Variants in DNM3 observed in about 807,000 individuals in gnomAD.
DNM3 encodes the protein dynamin 3, also known as dynamin-3.
DNM3 carries 47 observed loss-of-function variants against 101.6 expected under a neutral mutation model. The ratio of observed to expected loss-of-function variants is 0.46; its 90% CI spans 0.37 to 0.59. The LOEUF (loss-of-function observed/expected upper bound fraction) is 0.59, where lower values mean the gene tolerates loss of function less well. DNM3 is among the 20% of genes least tolerant of loss of function. The probability of loss-of-function intolerance (pLI) is 0.00; values close to 1 mark genes in which losing one functional copy is unlikely to be tolerated. For missense variants in DNM3, 849 were observed against 1,085.7 expected, an observed-to-expected ratio of 0.78 and a Z score of 3.06; for synonymous variants, 385 against 387.9, an observed-to-expected ratio of 0.99 and a Z score of 0.09.
chr1:172,216,193 G>A (rs1430762266), intron 14 of DNM3, among the ~76,000 whole-genome samples: 4 of 151,910 alleles, frequency 2.6e-5, no homozygotes, highest in African/African-American at 9.7e-5. Context: ...TAATCTATTG[G>A]GAAATCATAT....
At chr1:171,915,564 A>G (rs2039645972) in intron 1 of DNM3, among the ~76,000 whole-genome samples, 1 of 152,194 alleles carries the variant, frequency 6.6e-6, no homozygotes. Flanking sequence ...ACATTTATGG[A>G]TGCTGATGAT....
chr1:172,246,138 C>A (rs554935303), intron 14 of DNM3, among the ~76,000 whole-genome samples: 1 of 152,126 alleles, frequency 6.6e-6, no homozygotes, highest in Admixed American at 6.6e-5. Flanking sequence ...GGGAAATCCA[C>A]CCCCATGATC....
At chr1:171,890,893 C>T (rs1045845221) in intron 1 of DNM3, among the ~76,000 whole-genome samples, 3 of 152,128 alleles carry the variant, frequency 2.0e-5, no homozygotes, top group Non-Finnish European at 4.4e-5. Flanking sequence ...TTCTTGAACT[C>T]CTGGCCTCAA....
intron 10 of DNM3, among the ~76,000 whole-genome samples, chr1:172,052,401 A>G (rs2050268608): frequency 6.6e-6 from 1 of 152,170 alleles, no homozygotes; most frequent in Admixed American, 6.6e-5. Flanking sequence ...TGTCTGTCCT[A>G]ATTTAAAAAG....
At chr1:172,397,930 T>C (rs2070150405) in intron 20 of DNM3, among the ~76,000 whole-genome samples, 1 of 152,194 alleles carries the variant, frequency 6.6e-6, no homozygotes, top group Non-Finnish European at 1.5e-5. Context: ...GAAAAATAAG[T>C]TTCAGTAAAA....
chr1:172,321,508 A>G (rs2065715353), intron 16 of DNM3, among the ~76,000 whole-genome samples: 1 of 152,172 alleles, frequency 6.6e-6, no homozygotes. Flanking sequence ...TTCACCATTC[A>G]TGACTGTTAC....
intron 14 of DNM3, among the ~76,000 whole-genome samples, chr1:172,179,357 G>A (rs924896434): frequency 4.0e-5 from 6 of 151,862 alleles, no homozygotes; most frequent in African/African-American, 1.5e-4. Flanking sequence ...TTTTCATAAT[G>A]TTGTTTGGAA....
At chr1:172,071,410 T>C (rs2052181929) in intron 11 of DNM3, among the ~76,000 whole-genome samples, 1 of 151,924 alleles carries the variant, frequency 6.6e-6, no homozygotes, top group African/African-American at 2.4e-5. Flanking sequence ...GAAACATGCC[T>C]GGTTTTGGTA....
At chr1:171,849,503 A>G (rs898193075) in intron 1 of DNM3, among the ~76,000 whole-genome samples, 3 of 152,258 alleles carry the variant, frequency 2.0e-5, no homozygotes, top group Non-Finnish European at 4.4e-5. Context: ...AAGTTGAGGC[A>G]GATGGTAATG....
At chr1:172,094,560 C>G (rs1340070272) in intron 13 of DNM3, among the ~76,000 whole-genome samples, 1 of 152,046 alleles carries the variant, frequency 6.6e-6, no homozygotes, top group Non-Finnish European at 1.5e-5. Context: ...TGAGTTTGCT[C>G]AGCTGTGTGA....
At chr1:172,093,719 G>T in intron 13 of DNM3, 3 of 1,606,742 alleles carry the variant, frequency 1.9e-6, no homozygotes. Flanking sequence ...CGCCTTCAAG[G>T]CAAATTGTAC....
chr1:172,352,284 A>G (rs1347791361), intron 17 of DNM3, among the ~76,000 whole-genome samples: 4 of 152,218 alleles, frequency 2.6e-5, no homozygotes, highest in Non-Finnish European at 5.9e-5. Flanking sequence ...CCATTCCATT[A>G]AAGGCTAAAA....
intron 2 of DNM3, among the ~76,000 whole-genome samples, chr1:171,963,354 TG>T (rs1205425888): frequency 6.6e-6 from 1 of 151,998 alleles, no homozygotes; most frequent in Non-Finnish European, 1.5e-5. Context: ...AAAAGATCAG[TG>T]GTTGCCTGGG....
At chr1:171,965,022 T>G (rs920448438) in intron 2 of DNM3, among the ~76,000 whole-genome samples, 2 of 152,066 alleles carry the variant, frequency 1.3e-5, no homozygotes, top group African/African-American at 2.4e-5. Context: ...CACTAACTAT[T>G]CAGTTAACAC....
chr1:172,240,920 T>C (rs571075468), intron 14 of DNM3, among the ~76,000 whole-genome samples: 5 of 152,258 alleles, frequency 3.3e-5, no homozygotes, highest in Admixed American at 1.3e-4. Flanking sequence ...TTGAAGTGCT[T>C]GAAGCGTGTT....
intron 14 of DNM3, among the ~76,000 whole-genome samples, chr1:172,201,313 G>A (rs959078036): frequency 6.6e-6 from 1 of 152,126 alleles, no homozygotes; most frequent in Non-Finnish European, 1.5e-5. Context: ...TTGAGTGCTG[G>A]CTGTAGATCA....
intron 2 of DNM3, among the ~76,000 whole-genome samples, chr1:171,973,558 G>A (rs750326489): frequency 2.6e-5 from 4 of 151,936 alleles, no homozygotes; most frequent in Non-Finnish European, 4.4e-5. Context: ...TGAAACCTAT[G>A]AAAGAGACAC....
chr1:172,090,910 G>A (rs1431601392), intron 12 of DNM3, among the ~76,000 whole-genome samples: 1 of 152,134 alleles, frequency 6.6e-6, no homozygotes, highest in Non-Finnish European at 1.5e-5. Context: ...CTCCAAAACA[G>A]CTTCCATAAA....
chr1:172,276,626 CTTG>C (rs1466734807), intron 15 of DNM3, among the ~76,000 whole-genome samples: 2 of 144,952 alleles, frequency 1.4e-5, no homozygotes, highest in Non-Finnish European at 3.0e-5. Flanking sequence ...AGTGAGTGTT[CTTG>C]TTAATTATAA....
Sources: allele counts gnomAD v4.1 joint callset (sites outside exome capture counted in the v4.1 genomes callset), GRCh38; gene constraint gnomAD v4.1.1; transcripts MANE v1.5; gene names NCBI Gene and HGNC (gene_info 2026-07-23, HGNC 2026-07-21).